EVC2: variants seen among roughly 807,000 people sequenced by gnomAD.
EVC2 encodes EvC ciliary complex subunit 2, also known as limbin.
In EVC2, 148 loss-of-function variants were observed where a neutral mutation model predicts 149.3. That is an observed-to-expected ratio of 0.99 (90% CI 0.87 to 1.14). The LOEUF is 1.14. Among genes scored for constraint, EVC2 ranks in the 50% most tolerant of loss-of-function variants. The pLI is 0.00. For synonymous variants in EVC2, 776 were observed against 649.9 expected, an observed-to-expected ratio of 1.19 and a Z score of -2.95; for missense variants, 1,854 against 1,627.3, an observed-to-expected ratio of 1.14 and a Z score of -2.40.
Position 5,708,467 on chromosome 4 carries a change from C to T in EVC2, c.47G>A (p.Gly16Glu). 4 of 1,502,696 alleles carry T rather than the reference C, an allele frequency of 2.7e-6. No homozygotes were observed. Among genetic ancestry groups the T allele is most frequent in the South Asian group, 1.2e-5 (1 of 80,742 alleles). 93.1% of individuals were successfully genotyped at this position (1,502,696 alleles called of 1,614,324 possible). Reference sequence around the variant, plus strand: ...CGCCAGGGCCACTGCCAGGAGACCCCCGGCCAGCACCCACGTGGGGCGCCC... The same window carrying T: ...CGCCAGGGCCACTGCCAGGAGACCCTCGGCCAGCACCCACGTGGGGCGCCC... ...SRGRPTWVLA[G>E]GLLAVALALG... The change falls in exon 1 of 22, where the codon GGG becomes GAG. Residue 16 changes from glycine (G) to glutamate (E), a missense_variant. Gly to Glu is a moderately conservative substitution (Grantham distance 98). Transcript: ENST00000344408.
intron 7 of EVC2, among the ~76,000 whole-genome samples, chr4:5,674,903 T>C (rs1204019224): frequency 6.6e-6 from 1 of 151,972 alleles, no homozygotes; most frequent in Non-Finnish European, 1.5e-5. Flanking sequence ...AAATGCAGAT[T>C]AGGGCAATGG....
intron 21 of EVC2, among the ~76,000 whole-genome samples, chr4:5,557,215 A>G (rs922048096): frequency 6.6e-6 from 1 of 152,198 alleles, no homozygotes; most frequent in Non-Finnish European, 1.5e-5. Flanking sequence ...TATAAAAAGA[A>G]TGATACACCA....
chr4:5,650,332 C>A (rs1220739005), intron 9 of EVC2, among the ~76,000 whole-genome samples: 1 of 152,084 alleles, frequency 6.6e-6, no homozygotes, highest in East Asian at 1.9e-4. Flanking sequence ...CCTTCCTGCG[C>A]TTCCCTCCTA....
intron 7 of EVC2, among the ~76,000 whole-genome samples, chr4:5,672,955 G>C (rs927444879): frequency 6.6e-6 from 1 of 152,218 alleles, no homozygotes; most frequent in African/African-American, 2.4e-5. Flanking sequence ...CAAATCCAGA[G>C]ACAGAAGCAG....
intron 7 of EVC2, among the ~76,000 whole-genome samples, chr4:5,676,659 G>T (rs576623636): frequency 6.6e-6 from 1 of 152,142 alleles, no homozygotes; most frequent in South Asian, 2.1e-4. Context: ...ATGTTCAGCT[G>T]CCCCTTCCCC....
intron 18 of EVC2, 140 bp from the exon 19 acceptor site, chr4:5,574,912 GA>G: frequency 1.1e-6 from 1 of 898,986 alleles, no homozygotes; most frequent in Non-Finnish European, 1.8e-6. Context: ...GAGATGGCCA[GA>G]AAGACTGCCT....
rs74834508 is a variant in EVC2, at chr4:5,672,363, C to A, written c.871-6714G>T. Among the ~76,000 whole-genome samples the A allele has an allele frequency of 1.4e-3, 208 of 152,274 alleles. 8 individuals are homozygous for A. In the East Asian group the frequency reaches 0.035, roughly 25 times the overall value. On this transcript the variant is annotated intron_variant, in intron 7 of 21. Coordinates refer to ENST00000344408, the MANE Select transcript of EVC2 (RefSeq NM_147127.5). ...TGTCATCCTAAGGGAATCAGGGGAA[C>A]AACTAAGAGGCTTTAAGCCATGAAG...
chr4:5,540,098 C>A (rs1279264326), downstream of EVC2, among the ~76,000 whole-genome samples: 3 of 152,168 alleles, frequency 2.0e-5, no homozygotes, highest in African/African-American at 7.2e-5. Flanking sequence ...GGTTGGCAGA[C>A]AAACACATGA....
intron 8 of EVC2, 94 bp from the exon 9 acceptor site, chr4:5,663,340 C>A: frequency 1.9e-6 from 3 of 1,560,220 alleles, no homozygotes; most frequent in Non-Finnish European, 2.6e-6. Flanking sequence ...GGTCTGCAGT[C>A]TGAGCACCCA....
intron 6 of EVC2, among the ~76,000 whole-genome samples, chr4:5,681,973 C>T (rs956593268): frequency 1.3e-5 from 2 of 152,200 alleles, no homozygotes; most frequent in South Asian, 4.1e-4. Context: ...CAGGGCCCCA[C>T]TGCTCACCAG....
rs1249786927 is a variant in EVC2, at chr4:5,696,985, G to C, written c.283+608C>G. 1.3e-5 allele frequency among the ~76,000 whole-genome samples: 2 copies of C among 152,204 alleles called. No individual in the cohort carries two copies. The highest frequency in any genetic ancestry group is 2.4e-5 in the African/African-American group (1 of 41,456). ...AATGTCATCACAGATGTCCTTATAA[G>C]AGGGAGACAGAGATTTGACAGACAG... On this transcript the variant is annotated intron_variant, in intron 2 of 21. Coordinates refer to ENST00000344408, the MANE Select transcript of EVC2 (RefSeq NM_147127.5). The surrounding 1 kb of genome is among the most constrained non-coding windows in gnomAD (Gnocchi z 4.1).
upstream of EVC2, chr4:5,708,844 T>A (rs1197301473): frequency 4.1e-5 from 10 of 244,150 alleles, no homozygotes; most frequent in East Asian, 7.7e-5. Flanking sequence ...TCTGTAAGCC[T>A]CAGCTCAGAC....
Position 5,677,509 on chromosome 4 carries a change from G to A in EVC2, c.870+3751C>T, listed in dbSNP as rs1370565390. ...TGCATCCACAGGTCTGCATCCCAGG[G>A]GGCAACTATTCCTCTTTCTCCTGAA... On this transcript the variant is annotated intron_variant, in intron 7 of 21. Coordinates refer to ENST00000344408, the MANE Select transcript of EVC2 (RefSeq NM_147127.5). This position sits in a 1 kb window ranked among gnomAD's most constrained non-coding sequence, Gnocchi z 4.3. Among the ~76,000 whole-genome samples the A allele has an allele frequency of 2.6e-5, 4 of 152,198 alleles. No individual in the cohort carries two copies. The highest frequency in any genetic ancestry group is 4.1e-4 in the South Asian group (2 of 4,834).
chr4:5,705,935 C>G (rs1416790746), intron 1 of EVC2, among the ~76,000 whole-genome samples: 1 of 152,112 alleles, frequency 6.6e-6, no homozygotes, highest in Admixed American at 6.6e-5. Context: ...TCCCTGCCCA[C>G]AGGAACTCAC....
intron 16 of EVC2, among the ~76,000 whole-genome samples, chr4:5,593,875 C>A (rs544655087): frequency 2.6e-4 from 40 of 152,216 alleles, no homozygotes; most frequent in Non-Finnish European, 5.1e-4. Flanking sequence ...CCTAACACTG[C>A]GCTTTTCCGA....
At chr4:5,535,044 T>C in the EVC2 span, among the ~76,000 whole-genome samples, 100 of 151,778 alleles carry the variant, frequency 6.6e-4, 1 homozygote, top group African/African-American at 2.2e-3. This position sits in a 1 kb window ranked among gnomAD's most constrained non-coding sequence, Gnocchi z 4.7. Flanking sequence ...TAGGCAGAGG[T>C]TCCCTCAATA....
chr4:5,652,290 G>A (rs1160094907), intron 9 of EVC2, among the ~76,000 whole-genome samples: 1 of 152,188 alleles, frequency 6.6e-6, no homozygotes. Context: ...GAGAGGCTGC[G>A]TCAGGATGGC....
chr4:5,571,512 AAGG>A, intron 19 of EVC2, among the ~76,000 whole-genome samples: 1 of 152,162 alleles, frequency 6.6e-6, no homozygotes, highest in South Asian at 2.1e-4. Flanking sequence ...TCTCTAGGCA[AAGG>A]AGAGTGACAG....
chr4:5,538,306 C>T (rs182604612), downstream of EVC2, among the ~76,000 whole-genome samples: 16 of 152,160 alleles, frequency 1.1e-4, no homozygotes, highest in African/African-American at 3.9e-4. Flanking sequence ...ACTGTATACT[C>T]AAAGAAATTT....
Sources: allele counts gnomAD v4.1 joint callset (sites outside exome capture counted in the v4.1 genomes callset), GRCh38; gene constraint gnomAD v4.1.1; non-coding constraint Gnocchi (gnomAD v3.1); transcripts MANE v1.5; gene names NCBI Gene and HGNC (gene_info 2026-07-23, HGNC 2026-07-21).